Variants in LRRC37A2 observed in about 807,000 individuals in gnomAD.
LRRC37A2 encodes leucine rich repeat containing 37 member A2.
In LRRC37A2, 9 loss-of-function variants were observed where a neutral mutation model predicts 68.8. That is an observed-to-expected ratio of 0.13 (90% CI 0.08 to 0.23). The LOEUF (loss-of-function observed/expected upper bound fraction) is 0.23, where lower values mean the gene tolerates loss of function less well. Among genes scored for constraint, LRRC37A2 ranks in the 10% least tolerant of loss-of-function variants. The pLI, the probability that LRRC37A2 is intolerant of heterozygous loss-of-function variation, is 1.00. For synonymous variants in LRRC37A2, 63 were observed against 367.6 expected, an observed-to-expected ratio of 0.17 and a Z score of 9.48; for missense variants, 168 against 950.4, an observed-to-expected ratio of 0.18 and a Z score of 10.82.
At chr17:46,894,973 T>G in the LRRC37A2 span, among the ~76,000 whole-genome samples, 1 of 152,152 alleles carries the variant, frequency 6.6e-6, no homozygotes, top group Non-Finnish European at 1.5e-5. Context: ...GGACGGGACG[T>G]GCTCGCCTGT....
chr17:46,790,187 T>C, the LRRC37A2 span, among the ~76,000 whole-genome samples: 2 of 152,132 alleles, frequency 1.3e-5, no homozygotes, highest in African/African-American at 4.8e-5. Flanking sequence ...GCAGGCTCCT[T>C]GCTTTAGCTC....
At chr17:47,022,689 C>T in the LRRC37A2 span, among the ~76,000 whole-genome samples, 10 of 152,304 alleles carry the variant, frequency 6.6e-5, no homozygotes, top group South Asian at 2.1e-4. Flanking sequence ...CATCTTACAA[C>T]GTGATTCTTT....
chr17:46,732,609 C>A, the LRRC37A2 span, among the ~76,000 whole-genome samples: 6 of 152,120 alleles, frequency 3.9e-5, no homozygotes, highest in Admixed American at 2.0e-4. Flanking sequence ...GATTTATTAG[C>A]CCTTTGAAAG....
the LRRC37A2 span, among the ~76,000 whole-genome samples, chr17:47,000,059 A>T: frequency 0.38 from 15,529 of 40,520 alleles, 3,446 homozygotes; most frequent in Admixed American, 0.45. Context: ...AAAATAAAAT[A>T]AAATTAAAAT....
At chr17:46,872,644 C>G in the LRRC37A2 span, 1 of 1,613,628 alleles carries the variant, frequency 6.2e-7, no homozygotes, top group Non-Finnish European at 8.5e-7. Context: ...GCAGCTCTGC[C>G]GGAGGGAGCC....
At chr17:46,888,277 C>T in the LRRC37A2 span, among the ~76,000 whole-genome samples, 87 of 152,162 alleles carry the variant, frequency 5.7e-4, 1 homozygote, top group East Asian at 0.016. Context: ...ATGCAGGTGT[C>T]AATGGAAGTT....
the LRRC37A2 span, among the ~76,000 whole-genome samples, chr17:46,928,876 T>C: frequency 6.6e-6 from 1 of 152,300 alleles, no homozygotes; most frequent in Non-Finnish European, 1.5e-5. Context: ...CAGAACTCTT[T>C]CCATCCACAT....
At chr17:46,831,266 C>A in the LRRC37A2 span, 3,211 of 152,328 alleles carry the variant, frequency 0.021, 40 homozygotes, top group African/African-American at 0.038. Flanking sequence ...GTGAGCGAGG[C>A]TAGAGCTGGC....
At chr17:46,490,175 T>C in the LRRC37A2 span, among the ~76,000 whole-genome samples, 1 of 151,168 alleles carries the variant, frequency 6.6e-6, no homozygotes. Context: ...TATTTTAGGT[T>C]TTGCAGGCCA....
At chr17:46,784,518 T>TG in the LRRC37A2 span, among the ~76,000 whole-genome samples, 1 of 150,602 alleles carries the variant, frequency 6.6e-6, no homozygotes, top group Admixed American at 6.6e-5. Context: ...TGCCAAGGGG[T>TG]GGAGGCACCA....
At chr17:46,780,490 T>C in the LRRC37A2 span, among the ~76,000 whole-genome samples, 1 of 152,198 alleles carries the variant, frequency 6.6e-6, no homozygotes, top group African/African-American at 2.4e-5. Context: ...CCCAAAAGAA[T>C]TGAAAATGGG....
the LRRC37A2 span, among the ~76,000 whole-genome samples, chr17:46,942,774 G>C: frequency 7.9e-5 from 12 of 152,348 alleles, no homozygotes; most frequent in Non-Finnish European, 1.2e-4. Context: ...GCTGTACTTA[G>C]AAGCTGAGAA....
the LRRC37A2 span, among the ~76,000 whole-genome samples, chr17:46,843,032 G>C: frequency 6.6e-6 from 1 of 152,226 alleles, no homozygotes; most frequent in Admixed American, 6.5e-5. Context: ...GTTGTTGCTA[G>C]TGACTCCTAT....
the LRRC37A2 span, among the ~76,000 whole-genome samples, chr17:46,779,956 G>A: frequency 1.3e-5 from 2 of 152,138 alleles, no homozygotes; most frequent in South Asian, 4.2e-4. Context: ...ACAGGGTTTC[G>A]CAATATTGGC....
the LRRC37A2 span, among the ~76,000 whole-genome samples, chr17:46,854,608 C>T: frequency 1.3e-5 from 2 of 149,816 alleles, no homozygotes; most frequent in African/African-American, 4.9e-5. Flanking sequence ...AGCCTAGAGC[C>T]TAATTCTGTT....
chr17:46,838,293 G>T, the LRRC37A2 span, among the ~76,000 whole-genome samples: 1 of 151,016 alleles, frequency 6.6e-6, no homozygotes, highest in Non-Finnish European at 1.5e-5. Context: ...TGGGTCAGTG[G>T]ATCAGAAGAG....
chr17:46,601,943 G>A, the LRRC37A2 span, among the ~76,000 whole-genome samples: 3 of 146,264 alleles, frequency 2.1e-5, no homozygotes, highest in Non-Finnish European at 4.4e-5. Flanking sequence ...TAGCACTTTG[G>A]GAGGCTGAGG....
At chr17:46,875,246 C>T in the LRRC37A2 span, 27 of 1,614,170 alleles carry the variant, frequency 1.7e-5, no homozygotes, top group East Asian at 2.2e-4. Flanking sequence ...GGCAGTGGGG[C>T]GTGTGCGGTG....
At chr17:46,598,501 A>G in the LRRC37A2 span, among the ~76,000 whole-genome samples, 1,584 of 152,126 alleles carry the variant, frequency 0.01, 12 homozygotes, top group Non-Finnish European at 0.012. Context: ...CTCTTTCTTC[A>G]TAAGTCCTTA....
Sources: gnomAD v4.1 joint callset for allele counts (sites outside exome capture counted in the v4.1 genomes callset) on GRCh38, gnomAD v4.1.1 for gene constraint, MANE v1.5 for transcripts, NCBI Gene and HGNC (gene_info 2026-07-23, HGNC 2026-07-21) for gene names.